FSTL5: variants seen among roughly 807,000 people sequenced by gnomAD.
The protein encoded by FSTL5 is follistatin-related protein 5.
A neutral mutation model predicts 89.1 loss-of-function variants in FSTL5; 62 were observed. That is an observed-to-expected ratio of 0.70 (90% CI 0.57 to 0.86). The LOEUF (loss-of-function observed/expected upper bound fraction) is 0.86. Ranked by LOEUF, FSTL5 falls within the 40% of genes least tolerant of loss-of-function variation. The pLI is 0.00. For missense variants in FSTL5, 1,057 were observed against 1,001.6 expected, an observed-to-expected ratio of 1.06 and a Z score of -0.75; for synonymous variants, 383 against 346.2, an observed-to-expected ratio of 1.11 and a Z score of -1.18.
At chr4:161,929,103 ACTTC>A (rs1345281692) in intron 3 of FSTL5, among the ~76,000 whole-genome samples, 1 of 150,394 alleles carries the variant, frequency 6.6e-6, no homozygotes, top group Non-Finnish European at 1.5e-5. Context: ...TTCCTTCCTT[ACTTC>A]CTTCCTCCCT....
At chr4:161,803,312 C>T (rs1268352864) in intron 4 of FSTL5, among the ~76,000 whole-genome samples, 1 of 152,038 alleles carries the variant, frequency 6.6e-6, no homozygotes, top group African/African-American at 2.4e-5. Context: ...AATACACAAT[C>T]TATATTGTCT....
At chr4:161,607,486 C>T (rs991197115) in intron 7 of FSTL5, among the ~76,000 whole-genome samples, 2 of 151,808 alleles carry the variant, frequency 1.3e-5, no homozygotes, top group African/African-American at 2.4e-5. Context: ...TCTGTTTCTG[C>T]GATAAAAATA....
At position 161,402,338 on chromosome 4, in the gene FSTL5, A is replaced by G. The variant is rs942716440; in HGVS notation, c.1842-15889T>C. Among the ~76,000 whole-genome samples, 10 of 152,322 alleles carry G rather than the reference A, an allele frequency of 6.6e-5. No homozygotes were observed. The East Asian group carries it at 1.7e-3, about 26-fold the overall frequency. On this transcript the variant is annotated intron_variant, in intron 15 of 15. Coordinates refer to ENST00000306100, the MANE Select transcript of FSTL5 (RefSeq NM_020116.5). ...TTATTAATAATATAAATTATTCTTC[A>G]TTTTAGACTAATTCCTCCCTTGAAG...
At chr4:161,429,996 C>T (rs2126337028) in intron 15 of FSTL5, among the ~76,000 whole-genome samples, 1 of 152,110 alleles carries the variant, frequency 6.6e-6, no homozygotes, top group Non-Finnish European at 1.5e-5. Context: ...CAGGATATCA[C>T]AGAGAAGGAA....
chr4:161,427,664 A>T (rs1732210970), intron 15 of FSTL5, among the ~76,000 whole-genome samples: 1 of 152,202 alleles, frequency 6.6e-6, no homozygotes, highest in African/African-American at 2.4e-5. Flanking sequence ...GCTTGAAATC[A>T]GCTTGGTGTC....
At chr4:161,492,035 T>C (rs1241656979) in intron 12 of FSTL5, among the ~76,000 whole-genome samples, 1 of 152,226 alleles carries the variant, frequency 6.6e-6, no homozygotes, top group African/African-American at 2.4e-5. Context: ...CAGCCACATG[T>C]CAATTTCATC....
intron 4 of FSTL5, among the ~76,000 whole-genome samples, chr4:161,911,964 C>T (rs1230190861): frequency 3.3e-5 from 5 of 152,030 alleles, no homozygotes; most frequent in Non-Finnish European, 7.4e-5. Flanking sequence ...AAATTTTTAT[C>T]AACAATAAGT....
intron 7 of FSTL5, among the ~76,000 whole-genome samples, chr4:161,618,521 T>C (rs1271290282): frequency 6.7e-6 from 1 of 149,124 alleles, no homozygotes; most frequent in Non-Finnish European, 1.5e-5. Context: ...TTATTGAGAG[T>C]TTTTAGCATG....
intron 2 of FSTL5, among the ~76,000 whole-genome samples, chr4:162,101,705 T>C (rs1731004009): frequency 6.6e-6 from 1 of 152,216 alleles, no homozygotes; most frequent in Non-Finnish European, 1.5e-5. Flanking sequence ...ACCCTTCCAG[T>C]TGTGGCTTGT....
intron 8 of FSTL5, among the ~76,000 whole-genome samples, chr4:161,576,288 T>A (rs574699610): frequency 1.3e-5 from 2 of 152,266 alleles, no homozygotes; most frequent in South Asian, 4.1e-4. Flanking sequence ...CAAGTTACCA[T>A]TGACTTTCTT....
intron 7 of FSTL5, among the ~76,000 whole-genome samples, chr4:161,604,005 G>A (rs1290734353): frequency 6.6e-6 from 1 of 151,938 alleles, no homozygotes; most frequent in Non-Finnish European, 1.5e-5. Context: ...ACAAATAAAT[G>A]CAATTTTAAA....
At chr4:161,501,065 T>C (rs981923520) in intron 11 of FSTL5, among the ~76,000 whole-genome samples, 1 of 152,184 alleles carries the variant, frequency 6.6e-6, no homozygotes, top group Non-Finnish European at 1.5e-5. Flanking sequence ...ATTTATTCAG[T>C]ATAATTATAT....
chr4:161,455,588 TTTTAAAACG>T (rs1344026268), intron 14 of FSTL5, among the ~76,000 whole-genome samples: 2 of 152,166 alleles, frequency 1.3e-5, no homozygotes, highest in African/African-American at 4.8e-5. Flanking sequence ...TAAAACCATA[TTTTAAAACG>T]TTTTCCTCCT....
At chr4:161,665,454 C>T (rs1179159411) in intron 6 of FSTL5, among the ~76,000 whole-genome samples, 1 of 152,038 alleles carries the variant, frequency 6.6e-6, no homozygotes, top group Non-Finnish European at 1.5e-5. Context: ...AGGATGGTCT[C>T]GATCTCCTGA....
In FSTL5 at chr4:161,384,391, C is replaced by G. The variant is rs1730540260; in HGVS notation, c.*1356G>C. On this transcript the variant is annotated 3_prime_UTR_variant, in exon 16 of 16. Coordinates refer to ENST00000306100, the MANE Select transcript of FSTL5 (RefSeq NM_020116.5). ...AAACATGTAAGCTATTACTTTAAGC[C>G]TGGATAATTATCTGCTTATTTTAAT... 1 of 152,018 alleles carries G rather than the reference C, an allele frequency of 6.6e-6. No homozygotes were observed. The allele number at this position is 152,018 out of a possible 1,614,324, so 9.4% of individuals were successfully genotyped here.
At chr4:162,063,847 TA>T (rs1205613369) in intron 2 of FSTL5, among the ~76,000 whole-genome samples, 2 of 151,970 alleles carry the variant, frequency 1.3e-5, no homozygotes, top group Non-Finnish European at 2.9e-5. Flanking sequence ...TTGCTACTTA[TA>T]AAGCAAATTC....
At chr4:162,144,821 T>G (rs1732906234) in intron 1 of FSTL5, among the ~76,000 whole-genome samples, 1 of 152,058 alleles carries the variant, frequency 6.6e-6, no homozygotes, top group Non-Finnish European at 1.5e-5. Flanking sequence ...CTTATGTAAA[T>G]TTTTATAAAA....
At chr4:161,476,601 G>T (rs1296727949) in intron 13 of FSTL5, among the ~76,000 whole-genome samples, 2 of 152,072 alleles carry the variant, frequency 1.3e-5, no homozygotes, top group Non-Finnish European at 2.9e-5. Flanking sequence ...ATTTTTCTGA[G>T]CCTTTCTCTG....
chr4:162,004,104 A>C (rs1018269790), intron 3 of FSTL5, among the ~76,000 whole-genome samples: 4 of 152,120 alleles, frequency 2.6e-5, no homozygotes, highest in African/African-American at 9.7e-5. Flanking sequence ...AGAAATGAAT[A>C]TTTCTATTAT....
Sources: gnomAD v4.1 joint callset for allele counts (sites outside exome capture counted in the v4.1 genomes callset) on GRCh38, gnomAD v4.1.1 for gene constraint, MANE v1.5 for transcripts, NCBI Gene and HGNC (gene_info 2026-07-23, HGNC 2026-07-21) for gene names.